Variants in MRPS10 observed in about 807,000 individuals in gnomAD.
MRPS10 encodes the protein mitochondrial ribosomal protein S10.
Under a neutral mutation model 27.5 loss-of-function variants are expected in MRPS10, and 23 were observed. The ratio of observed to expected loss-of-function variants is 0.84; its 90% CI spans 0.60 to 1.18. The LOEUF is 1.18. Among genes scored for constraint, MRPS10 ranks in the 50% most tolerant of loss-of-function variants. The pLI is 0.00. For missense variants in MRPS10, 237 were observed against 240.1 expected (o/e 0.99, Z 0.09); for synonymous variants, 88 against 84.2 (o/e 1.04, Z -0.25).
At chr6:42,209,007 T>TG (rs1260873722) in intron 5 of MRPS10, 60 bp from the exon 6 acceptor site, 2 of 993,016 alleles carry the variant, frequency 2.0e-6, no homozygotes, top group African/African-American at 2.5e-5. Flanking sequence ...CGGTTTTTTG[T>TG]TTTTTTTTTT....
chr6:42,211,456 A>AG (rs1768769785), intron 4 of MRPS10, among the ~76,000 whole-genome samples: 1 of 151,450 alleles, frequency 6.6e-6, no homozygotes, highest in African/African-American at 2.4e-5. Flanking sequence ...TGAGGCGGGC[A>AG]ATTTGCCTGA....
intron 1 of MRPS10, among the ~76,000 whole-genome samples, chr6:42,216,367 A>AGG: frequency 1.8e-5 from 1 of 55,000 alleles, no homozygotes; most frequent in Non-Finnish European, 4.6e-5. Flanking sequence ...CTTGAGAGAG[A>AGG]GAGAGAGAGA....
chr6:42,216,381 A>AGTGT (rs1171760790), intron 1 of MRPS10, among the ~76,000 whole-genome samples: 16 of 31,984 alleles, frequency 5.0e-4, no homozygotes, highest in African/African-American at 1.0e-3. Flanking sequence ...AGAGAGAGAG[A>AGTGT]GAGAGTGTGT....
rs1009530305 is a variant in MRPS10, at chr6:42,207,136, C to T, written c.*1153G>A. The T allele has an allele frequency of 3.7e-5, 5 of 135,648 alleles. No individual in the cohort carries two copies. Among genetic ancestry groups the T allele is most frequent in the Admixed American group, 6.8e-5 (1 of 14,600 alleles). 8.4% of individuals were successfully genotyped at this position (135,648 alleles called of 1,614,324 possible). On this transcript the variant is annotated 3_prime_UTR_variant, in exon 7 of 7. Transcript: ENST00000053468. ...TCATGGAAAAGCAGACATCTCCTAA[C>T]AAACAGAGTGACATTTACCAAAATA... is the stretch of plus-strand genomic sequence containing the variant.
rs2295278 is a variant in MRPS10, at chr6:42,208,382, G to T, written c.523-10C>A. 983,767 of 1,573,036 alleles carry T rather than the reference G, an allele frequency of 0.63. 314,051 individuals are homozygous for T. Among genetic ancestry groups the T allele is most frequent in the East Asian group, 0.84 (37,183 of 44,370 alleles). The stretch of plus-strand genomic sequence containing the variant: ...ACTGTTCTAATTGTGTCTAAAAAAA[G>T]AAAGAAACAAAACTATAATGTGGAT... On this transcript the variant is annotated splice_polypyrimidine_tract_variant and intron_variant, in intron 6 of 6. Transcript: ENST00000053468.
chr6:42,214,475 A>C, intron 1 of MRPS10, 131 bp from the exon 2 acceptor site: 4 of 525,552 alleles, frequency 7.6e-6, no homozygotes, highest in Non-Finnish European at 1.3e-5. Flanking sequence ...AAATGGCCAA[A>C]TTAGATTGAA....
intron 1 of MRPS10, among the ~76,000 whole-genome samples, chr6:42,215,513 A>C (rs1228494013): frequency 1.3e-5 from 2 of 151,362 alleles, no homozygotes; most frequent in Non-Finnish European, 2.9e-5. Context: ...CATGGCCTGG[A>C]CCTCCCAGGT....
rs375700314 is a variant in MRPS10 at position 42,208,999 on chromosome 6, G to GTTT, written c.433-55_433-53dup. On this transcript the variant is annotated intron_variant, in intron 5 of 6. Coordinates refer to ENST00000053468, the MANE Select transcript of MRPS10 (RefSeq NM_018141.4). ...CATGTAAGCTGTTTGTTAAAGCACG[G>GTTT]TTTTTTGTTTTTTTTTTTGAGATGG... is the stretch of plus-strand genomic sequence containing the variant. The GTTT allele has an allele frequency of 2.6e-3, 2,755 of 1,057,762 alleles. 20 individuals carry two copies. Among genetic ancestry groups the GTTT allele is most frequent in the African/African-American group, 5.4e-3 (262 of 48,802 alleles). The allele number at this position is 1,057,762 out of a possible 1,614,324, so 65.5% of individuals were successfully genotyped here.
Position 42,217,748 on chromosome 6 carries a change from C to T in MRPS10, c.48+54G>A, listed in dbSNP as rs1582357206. 2.5e-5 allele frequency: 40 copies of T among 1,589,534 alleles called. No homozygotes were observed. In the South Asian group the frequency reaches 4.3e-4, roughly 17 times the overall value. On this transcript the variant is annotated intron_variant, in intron 1 of 6. Coordinates refer to ENST00000053468, the MANE Select transcript of MRPS10 (RefSeq NM_018141.4). Reference sequence around the variant, plus strand: ...GGCAGAGCGGCTGGTGGCAGGGAAACTTAAAAGCAACTATCCCGGTCAGCC... The same window carrying T: ...GGCAGAGCGGCTGGTGGCAGGGAAATTTAAAAGCAACTATCCCGGTCAGCC...
Position 42,208,181 on chromosome 6 carries a change from C to T in MRPS10, c.*108G>A. On this transcript the variant is annotated 3_prime_UTR_variant, in exon 7 of 7. Coordinates refer to ENST00000053468, the MANE Select transcript of MRPS10 (RefSeq NM_018141.4). The stretch of plus-strand genomic sequence containing the variant: ...ATGAGGGCACGAGAACTCAATGGAG[C>T]AGTTAGGGCAGACTCAAATCATCTC... The T allele has an allele frequency of 1.2e-6, 1 of 809,036 alleles. No individual in the cohort carries two copies. 50.1% of individuals were successfully genotyped at this position (809,036 alleles called of 1,614,324 possible). A position where few individuals can be genotyped will look rare whatever the true frequency, so the allele number is the denominator to read the frequency against.
chr6:42,211,845 C>A lies in MRPS10; in HGVS notation c.259G>T (p.Val87Leu). Residue 87 changes from valine to leucine, a missense_variant, in exon 4 of 7, where the codon GTA becomes TTA. Transcript: ENST00000053468. ...SVLVKGHDKA[V>L]LDSYEYFAVL... The stretch of plus-strand genomic sequence containing the variant: ...GCAAAATATTCATAACTGTCCAATA[C>A]AGCCTTATCGTGACCTTTCACCAAA... 1 of 1,613,990 alleles carries A rather than the reference C, an allele frequency of 6.2e-7. No individual in the cohort carries two copies. Among genetic ancestry groups the A allele is most frequent in the Non-Finnish European group, 8.5e-7 (1 of 1,179,900 alleles).
intron 1 of MRPS10, among the ~76,000 whole-genome samples, chr6:42,216,752 A>G (rs1311315851): frequency 6.6e-6 from 1 of 152,050 alleles, no homozygotes; most frequent in Non-Finnish European, 1.5e-5. Context: ...TGGAGGCTGT[A>G]GTGAGCCGAG....
In MRPS10 at chr6:42,213,543, C is replaced by A. The variant is rs1367229124; in HGVS notation, c.186+577G>T. Among the ~76,000 whole-genome samples the A allele has an allele frequency of 2.0e-5, 3 of 152,156 alleles. No homozygotes were observed. The South Asian group carries it at 6.2e-4, about 32-fold the overall frequency. ...TGTGCACAGACAAAGTGAGTACCTACAGACAAATGTCTAGAACTGTAATCC... is the reference window on the plus strand; with the variant it reads ...TGTGCACAGACAAAGTGAGTACCTAAAGACAAATGTCTAGAACTGTAATCC... On this transcript the variant is annotated intron_variant, in intron 3 of 6. Transcript: ENST00000053468.
chr6:42,208,433 C>T (rs994423197), intron 6 of MRPS10, 61 bp from the exon 7 acceptor site: 25 of 1,246,478 alleles, frequency 2.0e-5, no homozygotes, highest in Admixed American at 1.5e-4. Flanking sequence ...GACTACAAAT[C>T]GGACTTATTA....
rs1228019043 is a variant in MRPS10 at position 42,217,806 on chromosome 6, C to T, written c.44G>A (p.Trp15Ter). The T allele has an allele frequency of 9.3e-6, 15 of 1,614,148 alleles. No homozygotes were observed. The highest frequency in any genetic ancestry group is 1.2e-5 in the Non-Finnish European group (14 of 1,180,020). ...TCTCCCTAGCCAATCCAGTACCTGCCAGAGGCGCCGGCACACAGCACCGAA... is the reference window on the plus strand; with the variant it reads ...TCTCCCTAGCCAATCCAGTACCTGCTAGAGGCGCCGGCACACAGCACCGAA... ...TAFGAVCRRL[W>*]QGLGNFSVNT... Residue 15 changes from tryptophan to a stop codon, truncating the protein, a stop_gained, in exon 1 of 7, where the codon TGG (tryptophan) becomes TAG (stop). Coordinates refer to ENST00000053468, the MANE Select transcript of MRPS10 (RefSeq NM_018141.4). LOFTEE classifies it high-confidence loss of function.
chr6:42,216,383 A>AGTGTGTGTGTGTGTGTGTGTGT (rs763994848), intron 1 of MRPS10, among the ~76,000 whole-genome samples: 25 of 46,230 alleles, frequency 5.4e-4, no homozygotes, highest in Non-Finnish European at 8.2e-4. Flanking sequence ...AGAGAGAGAG[A>AGTGTGTGTGTGTGTGTGTGTGT]GAGTGTGTGT....
chr6:42,209,307 G>C (rs1204407711), intron 5 of MRPS10, among the ~76,000 whole-genome samples: 1 of 151,932 alleles, frequency 6.6e-6, no homozygotes, highest in African/African-American at 2.4e-5. Context: ...CTCCCCTAAA[G>C]AATCTAACAT....
At position 42,214,103 on chromosome 6, in the gene MRPS10, A is replaced by C; in HGVS notation, c.186+17T>G. The C allele has an allele frequency of 6.3e-7, 1 of 1,593,728 alleles. No individual in the cohort carries two copies. Among genetic ancestry groups the C allele is most frequent in the Non-Finnish European group, 8.6e-7 (1 of 1,166,648 alleles). The stretch of plus-strand genomic sequence containing the variant: ...TGCCAAGGTAGCTCCTTATACCAAG[A>C]AACAGGGAGTACATACCACAGGTTT... On this transcript the variant is annotated intron_variant, in intron 3 of 6. Transcript: ENST00000053468.
At chr6:42,215,373 G>C (rs750304945) in intron 1 of MRPS10, among the ~76,000 whole-genome samples, 1 of 38,918 alleles carries the variant, frequency 2.6e-5, no homozygotes, top group Non-Finnish European at 5.2e-5. Context: ...AAAAAAAAAA[G>C]AAGTTTAGCA....
Sources: gnomAD v4.1 joint callset for allele counts (sites outside exome capture counted in the v4.1 genomes callset) on GRCh38, gnomAD v4.1.1 for gene constraint, MANE v1.5 for transcripts, NCBI Gene and HGNC (gene_info 2026-07-23, HGNC 2026-07-21) for gene names.